The following SH3GL3 variants were observed in gnomAD, a reference collection of about 807,000 sequenced individuals.
SH3GL3 encodes SH3 domain containing GRB2 like 3, endophilin A3, also known as endophilin-A3.
A neutral mutation model predicts 47.7 loss-of-function variants in SH3GL3; 33 were observed. That is an observed-to-expected ratio of 0.69 (90% CI 0.52 to 0.92). The LOEUF is 0.92. Among genes scored for constraint, SH3GL3 ranks in the 40% least tolerant of loss-of-function variants. The pLI, the probability that SH3GL3 is intolerant of heterozygous loss-of-function variation, is 0.00. For synonymous variants in SH3GL3, 155 were observed against 148.8 expected, an observed-to-expected ratio of 1.04 and a Z score of -0.30; for missense variants, 363 against 417.8, an observed-to-expected ratio of 0.87 and a Z score of 1.14.
intron 8 of SH3GL3, among the ~76,000 whole-genome samples, chr15:83,614,103 G>C (rs562031439): frequency 2.0e-5 from 3 of 152,122 alleles, no homozygotes; most frequent in African/African-American, 4.8e-5. Flanking sequence ...GTTGCCCTTG[G>C]TTTTCAGTGC....
chr15:83,487,772 C>G (rs537658703), intron 1 of SH3GL3, among the ~76,000 whole-genome samples: 1 of 152,282 alleles, frequency 6.6e-6, no homozygotes, highest in African/African-American at 2.4e-5. Flanking sequence ...CATTCCTAGT[C>G]TGTGGCCCCA....
chr15:83,629,785 A>G, the SH3GL3 span, among the ~76,000 whole-genome samples: 2 of 152,074 alleles, frequency 1.3e-5, no homozygotes, highest in Non-Finnish European at 2.9e-5. Flanking sequence ...ACAACACTAC[A>G]CTCCAGCCTG....
chr15:83,471,850 C>T (rs1238800759), intron 1 of SH3GL3, among the ~76,000 whole-genome samples: 6 of 151,934 alleles, frequency 3.9e-5, no homozygotes, highest in Non-Finnish European at 8.8e-5. Context: ...ATTTTAGAAG[C>T]TTGACTATGA....
chr15:83,611,394 G>C (rs1266740340), intron 8 of SH3GL3: 1 of 152,088 alleles, frequency 6.6e-6, no homozygotes, highest in Non-Finnish European at 1.5e-5. Context: ...TCCCACCTCT[G>C]CTCTCACGTT....
At chr15:83,604,317 C>T (rs900161855) in intron 8 of SH3GL3, among the ~76,000 whole-genome samples, 13 of 152,282 alleles carry the variant, frequency 8.5e-5, no homozygotes, top group Admixed American at 1.3e-4. Context: ...CCAGCTTGCA[C>T]CCGAGTAGTT....
At chr15:83,569,341 A>G (rs946181064) in intron 4 of SH3GL3, among the ~76,000 whole-genome samples, 7 of 152,212 alleles carry the variant, frequency 4.6e-5, no homozygotes, top group African/African-American at 1.7e-4. Context: ...CTTCCATGAT[A>G]TTGTTTTTAA....
intron 1 of SH3GL3, among the ~76,000 whole-genome samples, chr15:83,516,093 G>C (rs982840352): frequency 6.4e-5 from 9 of 140,114 alleles, no homozygotes; most frequent in African/African-American, 2.3e-4. Context: ...GTAGTAATAG[G>C]CTATGAGAGG....
chr15:83,474,507 G>A (rs2041001904), intron 1 of SH3GL3, among the ~76,000 whole-genome samples: 1 of 152,052 alleles, frequency 6.6e-6, no homozygotes, highest in Non-Finnish European at 1.5e-5. Flanking sequence ...ACTGCCAAAT[G>A]GCTGGCACTT....
intron 8 of SH3GL3, among the ~76,000 whole-genome samples, chr15:83,601,817 A>T (rs1159125179): frequency 6.7e-6 from 1 of 149,484 alleles, no homozygotes; most frequent in African/African-American, 2.5e-5. Context: ...CTGTGAATCC[A>T]TGTGGTCCTG....
chr15:83,607,730 G>A (rs1366151341), intron 8 of SH3GL3, among the ~76,000 whole-genome samples: 2 of 152,020 alleles, frequency 1.3e-5, no homozygotes, highest in Non-Finnish European at 2.9e-5. Flanking sequence ...AAAGCAAGGA[G>A]CAGGCCAGAC....
At chr15:83,590,871 C>T (rs1242153102) in intron 8 of SH3GL3, among the ~76,000 whole-genome samples, 1 of 152,142 alleles carries the variant, frequency 6.6e-6, no homozygotes, top group African/African-American at 2.4e-5. Flanking sequence ...TGTAGCTTAT[C>T]TTTTAATCCT....
At chr15:83,504,600 G>C (rs2042419239) in intron 1 of SH3GL3, among the ~76,000 whole-genome samples, 2 of 152,206 alleles carry the variant, frequency 1.3e-5, no homozygotes, top group Admixed American at 6.5e-5. Flanking sequence ...CGGTATCCAG[G>C]AACTGAGGCC....
intron 1 of SH3GL3, among the ~76,000 whole-genome samples, chr15:83,554,803 C>T (rs190714958): frequency 5.9e-5 from 9 of 152,104 alleles, no homozygotes; most frequent in Non-Finnish European, 1.2e-4. Context: ...TTTTCCCCTG[C>T]GATAGTTTTA....
chr15:83,547,774 CTT>C (rs35952829), intron 1 of SH3GL3, among the ~76,000 whole-genome samples: 6,464 of 132,502 alleles, frequency 0.049, 156 homozygotes, highest in Non-Finnish European at 0.067. Context: ...TATAGTGTAG[CTT>C]TTTTTTTTTT....
intron 8 of SH3GL3, among the ~76,000 whole-genome samples, chr15:83,601,746 T>C (rs1056168565): frequency 2.0e-5 from 3 of 152,134 alleles, no homozygotes; most frequent in African/African-American, 7.2e-5. Flanking sequence ...TTTCTGTATC[T>C]TGTAGAATAG....
intron 1 of SH3GL3, among the ~76,000 whole-genome samples, chr15:83,541,310 CT>C (rs2044144102): frequency 4.2e-5 from 2 of 47,806 alleles, no homozygotes; most frequent in African/African-American, 1.3e-4. Context: ...TATGGTAATT[CT>C]ATTTTTTTTT....
At chr15:83,488,803 G>C (rs1277858398) in intron 1 of SH3GL3, among the ~76,000 whole-genome samples, 1 of 152,224 alleles carries the variant, frequency 6.6e-6, no homozygotes, top group African/African-American at 2.4e-5. Context: ...CTTCCTGTCA[G>C]TAGAAGATCC....
At chr15:83,505,185 A>G (rs573490834) in intron 1 of SH3GL3, among the ~76,000 whole-genome samples, 16 of 152,180 alleles carry the variant, frequency 1.1e-4, no homozygotes, top group African/African-American at 3.9e-4. Context: ...TGCAGTGAAT[A>G]TTATGGGCAT....
At chr15:83,615,149 GA>G (rs1409402864) in intron 8 of SH3GL3, among the ~76,000 whole-genome samples, 82 of 151,092 alleles carry the variant, frequency 5.4e-4, no homozygotes, top group African/African-American at 1.8e-3. Flanking sequence ...AATACTCAAA[GA>G]AAAAAAGTAT....
Sources: gnomAD v4.1 joint callset for allele counts (sites outside exome capture counted in the v4.1 genomes callset) on GRCh38, gnomAD v4.1.1 for gene constraint, MANE v1.5 for transcripts, NCBI Gene and HGNC (gene_info 2026-07-23, HGNC 2026-07-21) for gene names.